Variants in ARFGEF1 observed in about 807,000 individuals in gnomAD.
ARFGEF1 encodes brefeldin A-inhibited guanine nucleotide-exchange protein 1.
In ARFGEF1, 42 loss-of-function variants were observed where a neutral mutation model predicts 231.0. The ratio of observed to expected loss-of-function variants is 0.18; its 90% CI spans 0.14 to 0.24. The LOEUF (loss-of-function observed/expected upper bound fraction) is 0.24. Ranked by LOEUF, ARFGEF1 falls within the 10% of genes least tolerant of loss-of-function variation. The pLI, the probability that ARFGEF1 is intolerant of heterozygous loss-of-function variation, is 1.00. For missense variants in ARFGEF1, 1,345 were observed against 2,192.0 expected, an observed-to-expected ratio of 0.61 and a Z score of 7.72; for synonymous variants, 710 against 732.3, an observed-to-expected ratio of 0.97 and a Z score of 0.49.
intron 6 of ARFGEF1, among the ~76,000 whole-genome samples, chr8:67,290,885 C>G (rs942209661): frequency 6.6e-6 from 1 of 151,930 alleles, no homozygotes; most frequent in African/African-American, 2.4e-5. Context: ...TAAAAGCATG[C>G]CTCTCAGAAA....
chr8:67,286,156 G>A (rs191375386), intron 7 of ARFGEF1, among the ~76,000 whole-genome samples: 2 of 152,244 alleles, frequency 1.3e-5, no homozygotes, highest in East Asian at 3.9e-4. Flanking sequence ...AGGTATTTAC[G>A]GGAGAAATGT....
chr8:67,179,816 TG>T, intron 5 of ARFGEF1: 1 of 1,342,848 alleles, frequency 7.4e-7, no homozygotes, highest in Non-Finnish European at 1.1e-6. Flanking sequence ...TTGTTGTTTT[TG>T]TACACAAAAC....
At chr8:67,242,892 G>A (rs902809508) in intron 19 of ARFGEF1, among the ~76,000 whole-genome samples, 1 of 152,182 alleles carries the variant, frequency 6.6e-6, no homozygotes, top group Non-Finnish European at 1.5e-5. Context: ...ACTCTCCGTG[G>A]GCCTGTGGTG....
intron 1 of ARFGEF1, among the ~76,000 whole-genome samples, chr8:67,333,788 C>T (rs1382365736): frequency 3.3e-5 from 5 of 152,138 alleles, no homozygotes; most frequent in Non-Finnish European, 5.9e-5. Context: ...TCTCATCTCA[C>T]GTGATGGGTC....
At chr8:67,245,713 G>C (rs975971854) in intron 19 of ARFGEF1, among the ~76,000 whole-genome samples, 2 of 150,038 alleles carry the variant, frequency 1.3e-5, no homozygotes, top group African/African-American at 5.0e-5. Context: ...ACAAAACAAC[G>C]AGAAAATAAC....
intron 10 of ARFGEF1, among the ~76,000 whole-genome samples, chr8:67,270,768 T>C (rs909403329): frequency 6.8e-6 from 1 of 147,512 alleles, no homozygotes; most frequent in Non-Finnish European, 1.5e-5. Context: ...CTCACACCTA[T>C]GCTCCCAGCA....
At chr8:67,295,419 C>A (rs1306146139) in intron 5 of ARFGEF1, among the ~76,000 whole-genome samples, 1 of 152,182 alleles carries the variant, frequency 6.6e-6, no homozygotes, top group African/African-American at 2.4e-5. Flanking sequence ...GGTATATCAA[C>A]ATCATGAAGT....
chr8:67,312,306 T>C (rs1587291173), intron 1 of ARFGEF1, among the ~76,000 whole-genome samples: 2 of 137,542 alleles, frequency 1.5e-5, no homozygotes, highest in Admixed American at 1.4e-4. Flanking sequence ...GACAAAACAA[T>C]CTTGAAAGCA....
chr8:67,305,574 T>A (rs1306736955), intron 1 of ARFGEF1, among the ~76,000 whole-genome samples: 1 of 152,194 alleles, frequency 6.6e-6, no homozygotes, highest in Non-Finnish European at 1.5e-5. Flanking sequence ...CTTGAACTCC[T>A]GACCTTAGGT....
Position 67,258,187 on chromosome 8 carries a change from G to C in ARFGEF1, c.2339C>G (p.Ala780Gly), listed in dbSNP as rs761120816. ...HDFSGKDFVS[A>G]LRMFLEGFRL... The stretch of plus-strand genomic sequence containing the variant: ...AAATCCTTCTAGAAACATACGAAGG[G>C]CTGAAACGAAGTCTTTTCCTGAAAA... Residue 780 changes from alanine (A) to glycine (G), a missense_variant, in exon 16 of 39, where the codon GCC (alanine) becomes GGC (glycine). Ala to Gly is a moderately conservative substitution (Grantham distance 60). Coordinates refer to ENST00000262215, the MANE Select transcript of ARFGEF1 (RefSeq NM_006421.5). The C allele has an allele frequency of 5.0e-6, 8 of 1,612,542 alleles. No individual in the cohort carries two copies. The South Asian group carries it at 6.6e-5, about 13-fold the overall frequency.
rs1554622825 is a variant in ARFGEF1, at chr8:67,187,015, A to ATCTAATCT, written c.561-11444_561-11443insAGATTAGA. Among the ~76,000 whole-genome samples, 552 of 143,062 alleles carry ATCTAATCT rather than the reference A, an allele frequency of 3.9e-3. 1 individual carries two copies. The highest frequency in any genetic ancestry group is 0.013 in the African/African-American group (506 of 38,334). 93.9% of individuals were successfully genotyped at this position (143,062 alleles called of 152,430 possible). A position where few individuals can be genotyped will look rare whatever the true frequency, so the allele number is the denominator to read the frequency against. On this transcript the variant is annotated intron_variant, in intron 5 of 5. Coordinates refer to the ARFGEF1 transcript ENST00000518789. ...TATCTATCTATCTATCTATCTATCT[A>ATCTAATCT]ATCTATCTATCTAGAACTGCCTGAG...
chr8:67,330,044 GAA>G (rs1309875709), intron 1 of ARFGEF1, among the ~76,000 whole-genome samples: 1 of 151,754 alleles, frequency 6.6e-6, no homozygotes, highest in Non-Finnish European at 1.5e-5. Context: ...TGATAAAACA[GAA>G]AAAGATTAGC....
At chr8:67,281,019 C>T (rs1053069880) in intron 7 of ARFGEF1, among the ~76,000 whole-genome samples, 1 of 148,078 alleles carries the variant, frequency 6.8e-6, no homozygotes, top group Non-Finnish European at 1.5e-5. Context: ...GAGCAAAGTG[C>T]TATAAAAAAA....
chr8:67,292,818 T>C (rs1375147509), intron 5 of ARFGEF1, among the ~76,000 whole-genome samples: 3 of 152,152 alleles, frequency 2.0e-5, no homozygotes, highest in Non-Finnish European at 4.4e-5. Flanking sequence ...CACATCTCTT[T>C]TGGTCCTCAA....
At chr8:67,258,482 G>A (rs528927330) in intron 15 of ARFGEF1, among the ~76,000 whole-genome samples, 192 bp from the exon 16 acceptor site, 1 of 151,860 alleles carries the variant, frequency 6.6e-6, no homozygotes. Flanking sequence ...CTGCTACTGC[G>A]CCCAGCTAAT....
chr8:67,249,287 T>G (rs1172198376), intron 19 of ARFGEF1, among the ~76,000 whole-genome samples: 1 of 150,580 alleles, frequency 6.6e-6, no homozygotes, highest in African/African-American at 2.5e-5. Flanking sequence ...TACTGTAGCA[T>G]AAAACAGGCT....
intron 19 of ARFGEF1, among the ~76,000 whole-genome samples, chr8:67,244,792 T>G (rs1246567756): frequency 6.7e-6 from 1 of 150,282 alleles, no homozygotes; most frequent in Non-Finnish European, 1.5e-5. Context: ...GAGAAAGAGA[T>G]AGAGGTAGAA....
intron 33 of ARFGEF1, 23 bp from the exon 34 acceptor site, chr8:67,211,638 C>A: frequency 7.4e-7 from 1 of 1,351,426 alleles, no homozygotes; most frequent in Non-Finnish European, 9.9e-7. Flanking sequence ...AAAAAAATCA[C>A]TGTAAGTATG....
chr8:67,176,482 A>G (rs1354962991), intron 5 of ARFGEF1, among the ~76,000 whole-genome samples: 3 of 152,174 alleles, frequency 2.0e-5, no homozygotes, highest in East Asian at 3.8e-4. Context: ...ATTTTTAATA[A>G]CAGCCTCATA....
Sources: allele counts gnomAD v4.1 joint callset (sites outside exome capture counted in the v4.1 genomes callset), GRCh38; gene constraint gnomAD v4.1.1; transcripts MANE v1.5; gene names NCBI Gene and HGNC (gene_info 2026-07-23, HGNC 2026-07-21).